The following TXNL4A variants were observed in gnomAD, a reference collection of about 807,000 sequenced individuals.
TXNL4A encodes thioredoxin like 4A.
In TXNL4A, 17 loss-of-function variants were observed where a neutral mutation model predicts 14.6. The ratio of observed to expected loss-of-function variants is 1.16; its 90% confidence interval spans 0.80 to 1.74. TXNL4A has a LOEUF of 1.74. Among genes scored for constraint, TXNL4A ranks in the 40% most tolerant of loss-of-function variants. The pLI, the probability that TXNL4A is intolerant of heterozygous loss-of-function variation, is 0.00. For synonymous variants in TXNL4A, 83 were observed against 70.6 expected, an observed-to-expected ratio of 1.18 and a Z score of -0.88; for missense variants, 74 against 195.2, an observed-to-expected ratio of 0.38 and a Z score of 3.70.
chr18:79,975,534 G>A (rs1281078044), intron 2 of TXNL4A, among the ~76,000 whole-genome samples: 2 of 152,178 alleles, frequency 1.3e-5, no homozygotes, highest in Non-Finnish European at 2.9e-5. Flanking sequence ...TGCACGCTGT[G>A]GGGGGCAGAG....
chr18:80,033,131 G>C (rs1055191726), intron 1 of TXNL4A, among the ~76,000 whole-genome samples: 2 of 152,294 alleles, frequency 1.3e-5, no homozygotes, highest in Non-Finnish European at 1.5e-5. Flanking sequence ...AAAATGATTA[G>C]AGACTTGTCT....
At chr18:79,976,683 C>T (rs573540882) in intron 2 of TXNL4A, 12 of 426,952 alleles carry the variant, frequency 2.8e-5, no homozygotes, top group South Asian at 8.4e-5. Context: ...ACAAAACTAA[C>T]GCATACCCTA....
At chr18:80,001,781 T>G (rs1346632102) in intron 1 of TXNL4A, among the ~76,000 whole-genome samples, 1 of 152,214 alleles carries the variant, frequency 6.6e-6, no homozygotes, top group Non-Finnish European at 1.5e-5. Flanking sequence ...CCCCATTGTA[T>G]CTAGGAAGTA....
chr18:79,988,087 G>A (rs1413656919), intron 1 of TXNL4A, among the ~76,000 whole-genome samples, 153 bp downstream of exon 1: 1 of 152,274 alleles, frequency 6.6e-6, no homozygotes, highest in Non-Finnish European at 1.5e-5. Context: ...CCCCGAGAGC[G>A]CTCGACCGCA....
chr18:79,985,617 G>A (rs1285560454), intron 1 of TXNL4A, among the ~76,000 whole-genome samples: 1 of 152,142 alleles, frequency 6.6e-6, no homozygotes, highest in Non-Finnish European at 1.5e-5. Flanking sequence ...GCAAACTCTA[G>A]GCATCTGTGA....
chr18:79,997,149 A>C (rs2051668241), intron 1 of TXNL4A, among the ~76,000 whole-genome samples: 1 of 152,136 alleles, frequency 6.6e-6, no homozygotes, highest in Non-Finnish European at 1.5e-5. Flanking sequence ...CATTTGCTTA[A>C]GGATGTCCCT....
At chr18:80,012,007 G>A (rs1010615854) in intron 1 of TXNL4A, among the ~76,000 whole-genome samples, 2 of 152,022 alleles carry the variant, frequency 1.3e-5, no homozygotes, top group African/African-American at 4.8e-5. Context: ...TAAGAACAAA[G>A]AGCTTGTAAA....
intron 1 of TXNL4A, among the ~76,000 whole-genome samples, chr18:80,009,125 A>T (rs550969709): frequency 1.7e-3 from 266 of 152,338 alleles, no homozygotes; most frequent in African/African-American, 5.8e-3. Context: ...CTTTAAAGGA[A>T]GACAATCCTG....
chr18:79,985,307 A>G (rs1304728927), intron 1 of TXNL4A, among the ~76,000 whole-genome samples: 1 of 152,088 alleles, frequency 6.6e-6, no homozygotes, highest in African/African-American at 2.4e-5. Flanking sequence ...CCAGGCTGGC[A>G]TGCAGTGGCG....
In TXNL4A at chr18:79,973,217, C is replaced by T. The variant is rs964211793; in HGVS notation, c.*468G>A. On this transcript the variant is annotated 3_prime_UTR_variant, in exon 3 of 3. Coordinates refer to ENST00000269601, the MANE Select transcript of TXNL4A (RefSeq NM_006701.5). ...AACTGAAAATACCACCAGCAGCCCC[C>T]AGAAGCCAGGGACAGGCCTGAGCAG... 6.5e-6 allele frequency: 1 copy of T among 153,866 alleles called. No homozygotes were observed. Among genetic ancestry groups the T allele is most frequent in the African/African-American group, 2.4e-5 (1 of 41,482 alleles). 9.5% of individuals were successfully genotyped at this position (153,866 alleles called of 1,614,324 possible).
At chr18:79,993,036 C>T (rs2051638180), upstream of TXNL4A, among the ~76,000 whole-genome samples, 1 of 152,090 alleles carries the variant, frequency 6.6e-6, no homozygotes, top group Non-Finnish European at 1.5e-5. The surrounding 1 kb of genome is among the most constrained non-coding windows in gnomAD (Gnocchi z 4.4). Flanking sequence ...TGGAGAAAGG[C>T]GTAGACCTGT....
chr18:79,988,069 G>T lies in TXNL4A; in HGVS notation c.153+171C>A, dbSNP rs569703818. On this transcript the variant is annotated intron_variant, in intron 1 of 2. Coordinates refer to ENST00000269601, the MANE Select transcript of TXNL4A (RefSeq NM_006701.5). ...CCCGCAGAAAAAGGCGTGAAACGCC[G>T]GCACAGTCCCCGAGAGCGCTCGACC... 1.2e-3 allele frequency among the ~76,000 whole-genome samples: 188 copies of T among 152,382 alleles called. 1 individual carries two copies. Among genetic ancestry groups the T allele is most frequent in the Non-Finnish European group, 1.3e-3 (86 of 68,038 alleles).
intron 1 of TXNL4A, among the ~76,000 whole-genome samples, chr18:79,998,929 C>A (rs1030702971): frequency 6.6e-6 from 1 of 152,044 alleles, no homozygotes; most frequent in African/African-American, 2.4e-5. Flanking sequence ...CTGGATCATG[C>A]TAAAATAGAA....
Position 79,988,338 on chromosome 18 carries a change from G to T in TXNL4A, c.55C>A (p.Leu19Ile). The T allele has an allele frequency of 6.3e-7, 1 of 1,580,458 alleles. No homozygotes were observed. Among genetic ancestry groups the T allele is most frequent in the Non-Finnish European group, 8.6e-7 (1 of 1,162,814 alleles). The part of the protein sequence containing the change: ...HNGWQVDQAI[L>I]SEEDRVVVIR... ...ACGACCACGCGGTCCTCCTCCGAGA[G>T]GATGGCCTGGTCCACCTGCCAGCCG... is the stretch of plus-strand genomic sequence containing the variant. The change falls in exon 1 of 3, where the codon CTC becomes ATC. Residue 19 changes from leucine to isoleucine, a missense_variant. Around this residue, in one of 3 missense-constraint regions of TXNL4A, gnomAD observed 55 missense variants for 116.1 expected, o/e 0.47. Coordinates refer to ENST00000269601, the MANE Select transcript of TXNL4A (RefSeq NM_006701.5).
At chr18:80,032,042 A>G (rs1392057667) in intron 1 of TXNL4A, among the ~76,000 whole-genome samples, 2 of 152,250 alleles carry the variant, frequency 1.3e-5, no homozygotes, top group Non-Finnish European at 1.5e-5. Flanking sequence ...GCTCTAATTC[A>G]GGAGGCAGTA....
At chr18:80,008,306 C>T (rs144840634) in intron 1 of TXNL4A, among the ~76,000 whole-genome samples, 224 of 152,228 alleles carry the variant, frequency 1.5e-3, no homozygotes, top group South Asian at 2.3e-3. Context: ...ATGGGGCTAT[C>T]TTCACATCTG....
rs2051480902 is a variant in TXNL4A at position 79,982,595 on chromosome 18, G to T, written c.154-4894C>A. Among the ~76,000 whole-genome samples, 1 of 152,224 alleles carries T rather than the reference G, an allele frequency of 6.6e-6. No individual in the cohort carries two copies. Among genetic ancestry groups the T allele is most frequent in the Non-Finnish European group, 1.5e-5 (1 of 68,040 alleles). ...AAACCAAGGCAGGAGACTCCGGGGA[G>T]CTGTGCCGAGTGCCCCAGAGAGGTT... On this transcript the variant is annotated intron_variant, in intron 1 of 2. Transcript: ENST00000269601. This position sits in a 1 kb window ranked among gnomAD's most constrained non-coding sequence, Gnocchi z 4.0.
At position 79,982,931 on chromosome 18, in the gene TXNL4A, G is replaced by A. The variant is rs1012614757; in HGVS notation, c.154-5230C>T. On this transcript the variant is annotated intron_variant, in intron 1 of 2. Coordinates refer to ENST00000269601, the MANE Select transcript of TXNL4A (RefSeq NM_006701.5). This position sits in a 1 kb window ranked among gnomAD's most constrained non-coding sequence, Gnocchi z 4.0. The stretch of plus-strand genomic sequence containing the variant: ...ACATTTCCACGGTAACCAAGCGCTT[G>A]GAGGAGGAGCTGGGTGAGTGCAGCC... Among the ~76,000 whole-genome samples the A allele has an allele frequency of 2.6e-5, 4 of 152,154 alleles. No homozygotes were observed. The highest frequency in any genetic ancestry group is 4.8e-5 in the African/African-American group (2 of 41,428).
chr18:79,982,800 C>G lies in TXNL4A; in HGVS notation c.154-5099G>C, dbSNP rs1378536330. Reference sequence around the variant, plus strand: ...GGCAGGCAGAGGGGAGCTCCCCAGCCTCCCACCACCCCATTTTCTTGGTGA... The same window carrying G: ...GGCAGGCAGAGGGGAGCTCCCCAGCGTCCCACCACCCCATTTTCTTGGTGA... On this transcript the variant is annotated intron_variant, in intron 1 of 2. Coordinates refer to ENST00000269601, the MANE Select transcript of TXNL4A (RefSeq NM_006701.5). This position sits in a 1 kb window ranked among gnomAD's most constrained non-coding sequence, Gnocchi z 4.0. Among the ~76,000 whole-genome samples, 1 of 152,112 alleles carries G rather than the reference C, an allele frequency of 6.6e-6. No homozygotes were observed.
Sources: allele counts gnomAD v4.1 joint callset (sites outside exome capture counted in the v4.1 genomes callset), GRCh38; gene constraint gnomAD v4.1.1; regional missense constraint gnomAD v4.1.1; non-coding constraint Gnocchi (gnomAD v3.1); transcripts MANE v1.5; gene names NCBI Gene and HGNC (gene_info 2026-07-23, HGNC 2026-07-21).